The following NUBPL variants were observed in gnomAD, a reference collection of about 807,000 sequenced individuals.
NUBPL encodes NUBP iron-sulfur cluster assembly factor, mitochondrial, also known as iron-sulfur cluster transfer protein NUBPL.
In NUBPL, 31 loss-of-function variants were observed where a neutral mutation model predicts 45.7. The observed-to-expected ratio is 0.68, with a 90% confidence interval of 0.51 to 0.92. The LOEUF (loss-of-function observed/expected upper bound fraction) is 0.92, where lower values mean the gene tolerates loss of function less well. NUBPL is among the 40% of genes least tolerant of loss of function. The pLI, the probability that NUBPL is intolerant of heterozygous loss-of-function variation, is 0.00. For synonymous variants in NUBPL, 144 were observed against 140.9 expected, an observed-to-expected ratio of 1.02 and a Z score of -0.15; for missense variants, 401 against 398.7, an observed-to-expected ratio of 1.01 and a Z score of -0.05.
chr14:31,707,329 G>T (rs2037475259), intron 6 of NUBPL, among the ~76,000 whole-genome samples: 2 of 152,192 alleles, frequency 1.3e-5, no homozygotes, highest in African/African-American at 4.8e-5. Context: ...ATCAATTGTG[G>T]GTTTTAAATT....
At chr14:31,811,131 G>A (rs1326575818) in intron 7 of NUBPL, among the ~76,000 whole-genome samples, 1 of 152,118 alleles carries the variant, frequency 6.6e-6, no homozygotes, top group Non-Finnish European at 1.5e-5. Flanking sequence ...TATTTGTGGT[G>A]TTCTCTGTAC....
chr14:31,591,752 T>C (rs1181825531), intron 3 of NUBPL, among the ~76,000 whole-genome samples: 1 of 152,134 alleles, frequency 6.6e-6, no homozygotes, highest in Non-Finnish European at 1.5e-5. Context: ...AGAGAGACTT[T>C]CTTGAAATCA....
intron 4 of NUBPL, among the ~76,000 whole-genome samples, chr14:31,666,263 A>ATATTTATTTATTTATTATTT: frequency 1.8e-5 from 2 of 111,888 alleles, no homozygotes; most frequent in African/African-American, 6.1e-5. Context: ...ATATATATAT[A>ATATTTATTTATTTATTATTT]ATTTTATTTT....
At chr14:31,683,610 C>T (rs954796838) in intron 6 of NUBPL, among the ~76,000 whole-genome samples, 1 of 152,142 alleles carries the variant, frequency 6.6e-6, no homozygotes, top group African/African-American at 2.4e-5. Flanking sequence ...CTCAGCCCCC[C>T]AAAGTGCTGG....
intron 4 of NUBPL, among the ~76,000 whole-genome samples, chr14:31,609,397 C>T (rs2034693682): frequency 1.3e-5 from 2 of 152,074 alleles, no homozygotes; most frequent in African/African-American, 2.4e-5. Context: ...TATATATGCA[C>T]CCAACACTGG....
intron 4 of NUBPL, among the ~76,000 whole-genome samples, chr14:31,641,001 G>C (rs1198639543): frequency 6.6e-6 from 1 of 151,930 alleles, no homozygotes; most frequent in Non-Finnish European, 1.5e-5. Flanking sequence ...CACCAGGCTG[G>C]AGTGCAGTGA....
chr14:31,743,780 C>A (rs544494258), intron 6 of NUBPL, among the ~76,000 whole-genome samples: 15 of 152,058 alleles, frequency 9.9e-5, no homozygotes, highest in African/African-American at 3.6e-4. Flanking sequence ...AGAGAGAAAA[C>A]ACTTTTGAGG....
intron 7 of NUBPL, among the ~76,000 whole-genome samples, chr14:31,806,378 T>C (rs1215700725): frequency 1.3e-5 from 2 of 152,096 alleles, no homozygotes; most frequent in South Asian, 2.1e-4. Context: ...ATTGGTTTGC[T>C]GCAGTCATGA....
At chr14:31,626,607 G>GT (rs1469165494) in intron 4 of NUBPL, among the ~76,000 whole-genome samples, 1 of 152,178 alleles carries the variant, frequency 6.6e-6, no homozygotes, top group Non-Finnish European at 1.5e-5. Context: ...ATGTAAGATG[G>GT]TCCTAGAGTT....
chr14:31,716,145 A>AT (rs2037683798), intron 6 of NUBPL, among the ~76,000 whole-genome samples: 1 of 152,214 alleles, frequency 6.6e-6, no homozygotes. Flanking sequence ...CAGGGACAGT[A>AT]ACATGCATGA....
At chr14:31,587,121 C>G (rs1439378965) in intron 3 of NUBPL, among the ~76,000 whole-genome samples, 4 of 152,104 alleles carry the variant, frequency 2.6e-5, no homozygotes, top group African/African-American at 9.7e-5. Context: ...TTAAATAAAT[C>G]AAAATCTCTG....
intron 7 of NUBPL, among the ~76,000 whole-genome samples, chr14:31,818,439 G>GT (rs1369289451): frequency 6.6e-6 from 1 of 152,060 alleles, no homozygotes; most frequent in Non-Finnish European, 1.5e-5. Flanking sequence ...CAGTATCTTT[G>GT]TTTTTTTCTT....
At chr14:31,733,205 A>G (rs2139981729) in intron 6 of NUBPL, among the ~76,000 whole-genome samples, 1 of 152,334 alleles carries the variant, frequency 6.6e-6, no homozygotes, top group East Asian at 1.9e-4. Context: ...GTAGATAGAT[A>G]GATATCCCTC....
chr14:31,759,136 C>T (rs1362589062), intron 6 of NUBPL, among the ~76,000 whole-genome samples: 1 of 151,962 alleles, frequency 6.6e-6, no homozygotes, highest in African/African-American at 2.4e-5. Flanking sequence ...GAAAATTCTT[C>T]AAATTTGGCT....
intron 4 of NUBPL, among the ~76,000 whole-genome samples, chr14:31,636,464 T>C (rs998523478): frequency 6.8e-6 from 1 of 147,314 alleles, no homozygotes; most frequent in African/African-American, 2.7e-5. Flanking sequence ...GTAGATAAGC[T>C]TTTTGATGTG....
chr14:31,616,058 T>A (rs1329412089), intron 4 of NUBPL, among the ~76,000 whole-genome samples: 1 of 152,238 alleles, frequency 6.6e-6, no homozygotes, highest in Non-Finnish European at 1.5e-5. Flanking sequence ...ATGATGAGAT[T>A]TTTTTCATAT....
At chr14:31,698,376 T>C (rs1192863294) in intron 6 of NUBPL, among the ~76,000 whole-genome samples, 1 of 152,008 alleles carries the variant, frequency 6.6e-6, no homozygotes, top group Non-Finnish European at 1.5e-5. Flanking sequence ...TTTTAAGTGT[T>C]GAAAGACTAT....
chr14:31,639,043 A>T (rs1467359686), intron 4 of NUBPL, among the ~76,000 whole-genome samples: 1 of 152,128 alleles, frequency 6.6e-6, no homozygotes, highest in Non-Finnish European at 1.5e-5. Context: ...TTCCTCCCAT[A>T]GCTCGGAGTA....
At chr14:31,807,320 G>C (rs1179798518) in intron 7 of NUBPL, among the ~76,000 whole-genome samples, 1 of 151,364 alleles carries the variant, frequency 6.6e-6, no homozygotes, top group Non-Finnish European at 1.5e-5. Context: ...CATTCTAACT[G>C]GTGTGAGGTG....
Sources: allele counts gnomAD v4.1 joint callset (sites outside exome capture counted in the v4.1 genomes callset), GRCh38; gene constraint gnomAD v4.1.1; transcripts MANE v1.5; gene names NCBI Gene and HGNC (gene_info 2026-07-23, HGNC 2026-07-21).